The following DGKD variants were observed in gnomAD, a reference collection of about 807,000 sequenced individuals.
DGKD encodes DAG kinase delta.
DGKD carries 68 observed loss-of-function variants against 154.4 expected under a neutral mutation model. The observed-to-expected ratio is 0.44, with a 90% CI of 0.36 to 0.54. The LOEUF (loss-of-function observed/expected upper bound fraction) is 0.54. DGKD is among the 20% of genes least tolerant of loss of function. The pLI is 0.00. For synonymous variants in DGKD, 693 were observed against 638.0 expected (o/e 1.09, Z -1.30); for missense variants, 1,343 against 1,593.6 (o/e 0.84, Z 2.68).
chr2:233,360,034 T>A (rs1177841414), intron 1 of DGKD, among the ~76,000 whole-genome samples: 1 of 152,140 alleles, frequency 6.6e-6, no homozygotes, highest in Non-Finnish European at 1.5e-5. Context: ...GCTGAGTGAC[T>A]GCAGCGCCAC....
chr2:233,375,882 TC>T (rs1480677796), intron 1 of DGKD, among the ~76,000 whole-genome samples: 1 of 151,986 alleles, frequency 6.6e-6, no homozygotes, highest in African/African-American at 2.4e-5. Context: ...TTCTGGTTCT[TC>T]CTACTGTCAA....
intron 3 of DGKD, among the ~76,000 whole-genome samples, chr2:233,404,207 C>G (rs550732425): frequency 6.6e-6 from 1 of 152,040 alleles, no homozygotes; most frequent in Non-Finnish European, 1.5e-5. Context: ...CTGTAATGAT[C>G]GTTTTTTATG....
At chr2:233,451,834 C>T (rs894598399) in intron 17 of DGKD, 130 bp from the exon 18 acceptor site, 5 of 775,204 alleles carry the variant, frequency 6.4e-6, no homozygotes, top group South Asian at 1.9e-5. Context: ...CATGGTTATA[C>T]ATAATTTTAG....
Position 233,469,579 on chromosome 2 carries a change from GC to G in DGKD, c.*124del. 2 of 817,946 alleles carry G rather than the reference GC, an allele frequency of 2.4e-6. No individual in the cohort carries two copies. Among genetic ancestry groups the G allele is most frequent in the South Asian group, 1.7e-5 (1 of 60,460 alleles). The allele number at this position is 817,946 out of a possible 1,614,324, so 50.7% of individuals were successfully genotyped here. On this transcript the variant is annotated 3_prime_UTR_variant, in exon 30 of 30. Coordinates refer to ENST00000264057, the MANE Select transcript of DGKD (RefSeq NM_152879.3). ...AGGCCCTGGGCAGATGCTGCAGCCC[GC>G]CCCCTTCTCATGGTGCTACTTCCTC... is the stretch of plus-strand genomic sequence containing the variant.
At chr2:233,378,106 TA>T (rs1702679331) in intron 1 of DGKD, among the ~76,000 whole-genome samples, 2 of 146,958 alleles carry the variant, frequency 1.4e-5, no homozygotes, top group Non-Finnish European at 3.0e-5. Flanking sequence ...CACGCCCAGC[TA>T]TTTTTTTTTT....
chr2:233,414,982 G>T (rs2061925253), intron 3 of DGKD, among the ~76,000 whole-genome samples: 1 of 152,118 alleles, frequency 6.6e-6, no homozygotes, highest in South Asian at 2.1e-4. Flanking sequence ...TTAGAGACGG[G>T]GTCTTGCTGT....
intron 19 of DGKD, among the ~76,000 whole-genome samples, chr2:233,456,604 T>G (rs1203728963): frequency 6.6e-6 from 1 of 152,232 alleles, no homozygotes. Context: ...TCAGGATGTG[T>G]AGAAGTTTTT....
chr2:233,402,141 C>G (rs1330671798), intron 3 of DGKD, among the ~76,000 whole-genome samples: 3 of 152,074 alleles, frequency 2.0e-5, no homozygotes, highest in Admixed American at 2.0e-4. Context: ...CCCACCGACC[C>G]TGTCCGTTTC....
intron 18 of DGKD, chr2:233,454,450 G>GGCGCCTCTTCT (rs1193145863): frequency 1.4e-5 from 7 of 483,404 alleles, no homozygotes; most frequent in Non-Finnish European, 3.0e-5. Flanking sequence ...AAGTAGACGA[G>GGCGCCTCTTCT]AGGCGCCAGG....
rs2062792961 is a variant in DGKD at position 233,438,771 on chromosome 2, T to TATC, written c.1085+393_1085+395dup. ...TCTATCTATCATCTATCTATCTATCTATCTATCTATCTATCTATCTATCTA... is the reference window on the plus strand; with the variant it reads ...TCTATCTATCATCTATCTATCTATCTATCATCTATCTATCTATCTATCTATCTA... On this transcript the variant is annotated intron_variant, in intron 9 of 29. Transcript: ENST00000264057. The surrounding 1 kb of genome is among the most constrained non-coding windows in gnomAD (Gnocchi z 4.1). Among the ~76,000 whole-genome samples the TATC allele has an allele frequency of 5.7e-5, 7 of 123,712 alleles. No homozygotes were observed. In the South Asian group the frequency reaches 1.9e-3, roughly 33 times the overall value. The allele number at this position is 123,712 out of a possible 152,430, so 81.2% of individuals were successfully genotyped here.
At chr2:233,419,859 T>TTGGTTTG (rs766516769) in intron 3 of DGKD, among the ~76,000 whole-genome samples, 37 of 152,020 alleles carry the variant, frequency 2.4e-4, no homozygotes, top group Non-Finnish European at 3.5e-4. Flanking sequence ...GGGTGTGATG[T>TTGGTTTG]TGGTTTGTGG....
rs3214825 is a variant in DGKD at position 233,451,205 on chromosome 2, C to CT, written c.2167+170dup. 6.1e-3 allele frequency among the ~76,000 whole-genome samples: 862 copies of CT among 142,376 alleles called. 9 individuals are homozygous for CT. The highest frequency in any genetic ancestry group is 0.017 in the African/African-American group (644 of 38,644). 93.4% of individuals were successfully genotyped at this position (142,376 alleles called of 152,430 possible). A position where few individuals can be genotyped will look rare whatever the true frequency, so the allele number is the denominator to read the frequency against. On this transcript the variant is annotated intron_variant, in intron 17 of 29. Coordinates refer to ENST00000264057, the MANE Select transcript of DGKD (RefSeq NM_152879.3). ...AATTTACACGACTGTATGAAAAGTGCTTTTTTTTTTTTTTTAAAAACAAAA... is the reference window on the plus strand; with the variant it reads ...AATTTACACGACTGTATGAAAAGTGCTTTTTTTTTTTTTTTTAAAAACAAAA...
At chr2:233,404,204 G>A (rs573452264) in intron 3 of DGKD, among the ~76,000 whole-genome samples, 91 of 152,038 alleles carry the variant, frequency 6.0e-4, no homozygotes, top group Non-Finnish European at 1.1e-3. Context: ...TCTCTGTAAT[G>A]ATCGTTTTTT....
At chr2:233,363,253 T>C (rs1450934732) in intron 1 of DGKD, among the ~76,000 whole-genome samples, 1 of 152,190 alleles carries the variant, frequency 6.6e-6, no homozygotes, top group East Asian at 1.9e-4. Context: ...AAGATAATGA[T>C]ACTGATGATC....
intron 1 of DGKD, among the ~76,000 whole-genome samples, chr2:233,373,427 CAA>C (rs989393792): frequency 6.6e-6 from 1 of 152,094 alleles, no homozygotes; most frequent in Admixed American, 6.5e-5. Flanking sequence ...CCAAAGGAAA[CAA>C]AAAGGCATAA....
chr2:233,372,611 A>AT (rs958754719), intron 1 of DGKD, among the ~76,000 whole-genome samples: 9 of 149,456 alleles, frequency 6.0e-5, no homozygotes, highest in African/African-American at 2.2e-4. Flanking sequence ...TTTAATTTTT[A>AT]TTTTTTTTCT....
In DGKD at chr2:233,450,126, G is replaced by A. The variant is rs753841886; in HGVS notation, c.2033G>A (p.Arg678His). The A allele has an allele frequency of 3.7e-5, 59 of 1,609,340 alleles. No individual in the cohort carries two copies. The highest frequency in any genetic ancestry group is 8.4e-5 in the Admixed American group (5 of 59,304). The part of the protein sequence containing the change: ...SFGVPKGRSQ[R>H]KVSKSPCEKL... ...GGGGTCCCCAAGGGGAGGAGCCAGC[G>A]CAAAGGTACTTGTGCCTCCACCTCC... Residue 678 changes from arginine (R) to histidine (H), a missense_variant, in exon 16 of 30, where the codon CGC (arginine) becomes CAC (histidine). Physicochemically the swap from Arg to His is conservative, Grantham distance 29. Transcript: ENST00000264057.
intron 3 of DGKD, among the ~76,000 whole-genome samples, chr2:233,411,739 C>T (rs1559516164): frequency 6.6e-6 from 1 of 152,140 alleles, no homozygotes; most frequent in Non-Finnish European, 1.5e-5. Flanking sequence ...AAACCCTTGT[C>T]TACCTCGGCT....
intron 1 of DGKD, among the ~76,000 whole-genome samples, chr2:233,379,161 A>G (rs949440714): frequency 4.6e-5 from 7 of 152,176 alleles, no homozygotes; most frequent in Non-Finnish European, 1.0e-4. Flanking sequence ...AAGCGGTGAT[A>G]GCTAGTTCTG....
Sources: gnomAD v4.1 joint callset for allele counts (sites outside exome capture counted in the v4.1 genomes callset) on GRCh38, gnomAD v4.1.1 for gene constraint, Gnocchi (gnomAD v3.1) non-coding constraint, MANE v1.5 for transcripts, NCBI Gene and HGNC (gene_info 2026-07-23, HGNC 2026-07-21) for gene names.